NRXN1: variants seen among roughly 807,000 people sequenced by gnomAD.
NRXN1 encodes neurexin-1.
NRXN1 carries 39 observed loss-of-function variants against 150.9 expected under a neutral mutation model. That is an observed-to-expected ratio of 0.26 (90% CI 0.20 to 0.34). The LOEUF (loss-of-function observed/expected upper bound fraction) is 0.34, where lower values mean the gene tolerates loss of function less well. Among genes scored for constraint, NRXN1 ranks in the 10% least tolerant of loss-of-function variants. NRXN1 has a pLI of 1.00. For synonymous variants in NRXN1, 924 were observed against 757.0 expected (o/e 1.22, Z -3.62); for missense variants, 1,815 against 1,949.9 (o/e 0.93, Z 1.30).
intron 17 of NRXN1, among the ~76,000 whole-genome samples, chr2:50,444,261 A>G (rs2104472559): frequency 6.6e-6 from 1 of 152,326 alleles, no homozygotes; most frequent in South Asian, 2.1e-4. Flanking sequence ...AAATAAATAT[A>G]CATAAAAGTA....
At chr2:50,597,298 G>A (rs953867158) in intron 8 of NRXN1, among the ~76,000 whole-genome samples, 10 of 152,142 alleles carry the variant, frequency 6.6e-5, no homozygotes, top group African/African-American at 1.4e-4. Context: ...TTTGAATGAT[G>A]TGTCAGCAGG....
intron 21 of NRXN1, among the ~76,000 whole-genome samples, chr2:49,995,839 A>G (rs189224150): frequency 9.8e-4 from 140 of 142,440 alleles, no homozygotes; most frequent in Non-Finnish European, 1.7e-3. Context: ...TACTTCAAGT[A>G]TGAAAGCACC....
chr2:50,077,245 A>C (rs72891431), intron 19 of NRXN1, among the ~76,000 whole-genome samples: 1 of 152,160 alleles, frequency 6.6e-6, no homozygotes, highest in East Asian at 1.9e-4. Flanking sequence ...ATAGGCAGGA[A>C]TTTCAAAAGG....
chr2:50,123,782 T>A (rs578139267), intron 18 of NRXN1, among the ~76,000 whole-genome samples: 2 of 152,204 alleles, frequency 1.3e-5, no homozygotes, highest in African/African-American at 4.8e-5. Context: ...GAACTCAAGA[T>A]GATTTCAAGG....
intron 2 of NRXN1, among the ~76,000 whole-genome samples, chr2:50,931,184 G>C (rs1448586714): frequency 1.3e-5 from 2 of 152,052 alleles, no homozygotes; most frequent in African/African-American, 2.4e-5. Flanking sequence ...GTCTTCATTT[G>C]AAAGAGCTGT....
chr2:50,314,631 A>C (rs1044248266), intron 17 of NRXN1, among the ~76,000 whole-genome samples: 2 of 151,926 alleles, frequency 1.3e-5, no homozygotes, highest in African/African-American at 4.8e-5. Flanking sequence ...TTATTTTTTT[A>C]ATGCCACTAA....
At chr2:50,163,125 C>T (rs903586221) in intron 18 of NRXN1, among the ~76,000 whole-genome samples, 3 of 144,400 alleles carry the variant, frequency 2.1e-5, no homozygotes, top group African/African-American at 7.7e-5. Context: ...AAAATAATTT[C>T]AACTATATAT....
intron 5 of NRXN1, among the ~76,000 whole-genome samples, chr2:50,899,622 G>A (rs1232075481): frequency 6.6e-6 from 1 of 152,164 alleles, no homozygotes; most frequent in African/African-American, 2.4e-5. Context: ...CTTCCTTGAA[G>A]AGAGAGTTAA....
rs553002684 is a variant in NRXN1 at position 50,317,958 on chromosome 2, T to C, written c.3365-80988A>G. 1.5e-4 allele frequency among the ~76,000 whole-genome samples: 23 copies of C among 152,102 alleles called. No homozygotes were observed. In the Middle Eastern group the frequency reaches 0.017, roughly 112 times the overall value. On this transcript the variant is annotated intron_variant, in intron 17 of 22. Transcript: ENST00000401669. ...AGAAAAGTATATCTTAAACAGGATA[T>C]TAAAATACAAACTATAAAGGGAAAT...
At chr2:50,942,042 C>T (rs1363541745) in intron 2 of NRXN1, among the ~76,000 whole-genome samples, 2 of 152,190 alleles carry the variant, frequency 1.3e-5, no homozygotes, top group Non-Finnish European at 2.9e-5. Context: ...ATATGGCACC[C>T]TGCATCCCAG....
intron 5 of NRXN1, among the ~76,000 whole-genome samples, chr2:50,641,772 T>C (rs555356061): frequency 6.6e-6 from 1 of 152,100 alleles, no homozygotes; most frequent in African/African-American, 2.4e-5. Context: ...GTCATAAATC[T>C]TGGCTCTGTG....
chr2:50,379,413 A>G (rs2103638757), intron 17 of NRXN1, among the ~76,000 whole-genome samples: 1 of 152,304 alleles, frequency 6.6e-6, no homozygotes, highest in African/African-American at 2.4e-5. Context: ...GACAAACTCT[A>G]TTGTGTACAA....
intron 21 of NRXN1, among the ~76,000 whole-genome samples, chr2:50,021,899 G>A (rs1464396797): frequency 6.6e-6 from 1 of 152,102 alleles, no homozygotes; most frequent in Non-Finnish European, 1.5e-5. Context: ...AACCCACACT[G>A]GACTGCAGTG....
chr2:50,716,697 A>G (rs1387659526), intron 5 of NRXN1, among the ~76,000 whole-genome samples: 1 of 152,138 alleles, frequency 6.6e-6, no homozygotes, highest in Non-Finnish European at 1.5e-5. Flanking sequence ...GGTTTATTCA[A>G]TTACTGGATT....
intron 5 of NRXN1, among the ~76,000 whole-genome samples, chr2:50,752,179 C>G (rs1452125728): frequency 1.3e-5 from 2 of 151,856 alleles, no homozygotes; most frequent in East Asian, 3.9e-4. Context: ...AATAAATTAA[C>G]AGTGGGTAAA....
At chr2:50,012,812 T>A (rs1363917883) in intron 21 of NRXN1, among the ~76,000 whole-genome samples, 1 of 152,186 alleles carries the variant, frequency 6.6e-6, no homozygotes, top group Non-Finnish European at 1.5e-5. Context: ...CCATTTTTTT[T>A]ATAATGTAGT....
At chr2:50,739,224 G>A (rs1386227116) in intron 5 of NRXN1, 2 of 497,356 alleles carry the variant, frequency 4.0e-6, no homozygotes, top group South Asian at 1.5e-5. Flanking sequence ...TCGACCAAGG[G>A]CACTGGGTTC....
chr2:50,556,185 C>T (rs1176362476), intron 8 of NRXN1, among the ~76,000 whole-genome samples: 1 of 152,090 alleles, frequency 6.6e-6, no homozygotes, highest in Admixed American at 6.6e-5. Context: ...TATAATTACC[C>T]TATTTTTCTA....
At chr2:50,699,949 A>T (rs1263390563) in intron 5 of NRXN1, among the ~76,000 whole-genome samples, 1 of 152,184 alleles carries the variant, frequency 6.6e-6, no homozygotes, top group Non-Finnish European at 1.5e-5. Flanking sequence ...AGCTCCAAGT[A>T]CTGCACTCTG....
Sources: allele counts gnomAD v4.1 joint callset (sites outside exome capture counted in the v4.1 genomes callset), GRCh38; gene constraint gnomAD v4.1.1; transcripts MANE v1.5; gene names NCBI Gene and HGNC (gene_info 2026-07-23, HGNC 2026-07-21).